PTPRN2: variants seen among roughly 807,000 people sequenced by gnomAD.
The protein encoded by PTPRN2 is protein tyrosine phosphatase receptor type N2.
Under a neutral mutation model 118.8 loss-of-function variants are expected in PTPRN2, and 74 were observed. The ratio of observed to expected loss-of-function variants is 0.62; its 90% CI spans 0.52 to 0.76. The LOEUF is 0.76. Ranked by LOEUF, PTPRN2 falls within the 30% of genes least tolerant of loss-of-function variation. The pLI, the probability that PTPRN2 is intolerant of heterozygous loss-of-function variation, is 0.00. For missense variants in PTPRN2, 1,481 were observed against 1,394.4 expected, an observed-to-expected ratio of 1.06 and a Z score of -0.99; for synonymous variants, 641 against 608.0, an observed-to-expected ratio of 1.05 and a Z score of -0.80.
intron 3 of PTPRN2, among the ~76,000 whole-genome samples, chr7:158,231,038 G>A (rs1427820480): frequency 6.6e-6 from 1 of 152,172 alleles, no homozygotes; most frequent in Admixed American, 6.5e-5. Flanking sequence ...AGGCCAAGTT[G>A]AGAGAATTGC....
At chr7:157,912,126 G>C (rs1228277310) in intron 11 of PTPRN2, among the ~76,000 whole-genome samples, 3 of 152,054 alleles carry the variant, frequency 2.0e-5, no homozygotes, top group Non-Finnish European at 4.4e-5. Flanking sequence ...TGTCCCAAAG[G>C]GATTCTATCA....
intron 2 of PTPRN2, among the ~76,000 whole-genome samples, chr7:158,468,888 CCTGGT>C (rs2129443989): frequency 1.3e-5 from 2 of 152,154 alleles, no homozygotes; most frequent in East Asian, 1.9e-4. Flanking sequence ...CACACACACT[CCTGGT>C]CAATCAACAG....
chr7:157,751,605 T>C (rs1177750878), intron 12 of PTPRN2, among the ~76,000 whole-genome samples: 1 of 151,788 alleles, frequency 6.6e-6, no homozygotes, highest in Non-Finnish European at 1.5e-5. Flanking sequence ...CACGAGATCA[T>C]TGTTTGGAAG....
intron 11 of PTPRN2, among the ~76,000 whole-genome samples, chr7:158,058,843 T>A (rs1249994202): frequency 8.4e-6 from 1 of 119,576 alleles, no homozygotes; most frequent in African/African-American, 4.0e-5. Flanking sequence ...CTGCACACGG[T>A]GAGACATCAC....
chr7:157,853,287 G>A (rs560654079), intron 12 of PTPRN2, among the ~76,000 whole-genome samples: 9 of 152,262 alleles, frequency 5.9e-5, no homozygotes, highest in East Asian at 5.8e-4. Flanking sequence ...GGCCTGCAAC[G>A]GAAAGGCCTG....
At chr7:158,217,999 T>G (rs1394610019) in intron 3 of PTPRN2, among the ~76,000 whole-genome samples, 1 of 151,930 alleles carries the variant, frequency 6.6e-6, no homozygotes, top group Non-Finnish European at 1.5e-5. Context: ...GGAGAGAGAG[T>G]AAGCAACTTG....
intron 11 of PTPRN2, among the ~76,000 whole-genome samples, chr7:157,971,958 C>T (rs1802364040): frequency 6.6e-6 from 1 of 152,210 alleles, no homozygotes. Flanking sequence ...TCTGCATACC[C>T]AAGTGAGAAC....
At chr7:157,630,584 C>T (rs922677149) in intron 14 of PTPRN2, among the ~76,000 whole-genome samples, 3 of 152,140 alleles carry the variant, frequency 2.0e-5, no homozygotes, top group Admixed American at 6.5e-5. Flanking sequence ...GGCATTGTTC[C>T]GGCTCTCCAA....
chr7:158,382,989 C>A (rs538687730), intron 2 of PTPRN2, among the ~76,000 whole-genome samples: 1 of 152,168 alleles, frequency 6.6e-6, no homozygotes, highest in African/African-American at 2.4e-5. Flanking sequence ...GGAAGCTGGT[C>A]CCTGGTGCCA....
intron 10 of PTPRN2, among the ~76,000 whole-genome samples, chr7:158,108,731 C>G (rs1585463481): frequency 1.3e-5 from 2 of 152,342 alleles, no homozygotes; most frequent in East Asian, 3.9e-4. Context: ...CATGCATGTC[C>G]CCTAGTGCCC....
At position 157,619,217 on chromosome 7, in the gene PTPRN2, C is replaced by T. The variant is rs138143537; in HGVS notation, c.2344+2145G>A. Among the ~76,000 whole-genome samples the T allele has an allele frequency of 5.1e-3, 778 of 152,262 alleles. 8 individuals carry two copies. The highest frequency in any genetic ancestry group is 0.017 in the African/African-American group (724 of 41,544). On this transcript the variant is annotated intron_variant, in intron 15 of 22. Coordinates refer to ENST00000389418, the MANE Select transcript of PTPRN2 (RefSeq NM_002847.5). The surrounding 1 kb of genome is among the most constrained non-coding windows in gnomAD (Gnocchi z 5.3). ...TCGGCAGGTCGTTTCTGCCACGCTC[C>T]GGGCTGTCTTTGGGGAGGGCGTGCT... is the stretch of plus-strand genomic sequence containing the variant.
intron 2 of PTPRN2, among the ~76,000 whole-genome samples, chr7:158,429,799 G>A (rs527393635): frequency 6.6e-6 from 1 of 152,348 alleles, no homozygotes; most frequent in Admixed American, 6.5e-5. Flanking sequence ...GCCATGGATG[G>A]TGAGCTAATG....
At chr7:157,840,195 G>A (rs1453797917) in intron 12 of PTPRN2, among the ~76,000 whole-genome samples, 1 of 147,192 alleles carries the variant, frequency 6.8e-6, no homozygotes, top group African/African-American at 2.6e-5. Flanking sequence ...GTGTGACTGT[G>A]ACCGCGTGTG....
intron 2 of PTPRN2, among the ~76,000 whole-genome samples, chr7:158,441,881 A>G (rs28477315): frequency 1.8e-4 from 18 of 102,806 alleles, no homozygotes; most frequent in Middle Eastern, 7.0e-3. Context: ...AGTGGTGGTG[A>G]TAGTGATAGT....
intron 3 of PTPRN2, among the ~76,000 whole-genome samples, chr7:158,217,314 C>T (rs1828022729): frequency 6.6e-6 from 1 of 152,264 alleles, no homozygotes; most frequent in South Asian, 2.1e-4. Context: ...CCCAGGTCAC[C>T]AGGGTTAGAG....
intron 11 of PTPRN2, among the ~76,000 whole-genome samples, chr7:158,078,637 G>C (rs1186295894): frequency 6.6e-6 from 1 of 152,194 alleles, no homozygotes; most frequent in East Asian, 1.9e-4. Context: ...CAATGGGCCA[G>C]TCACCGTGCT....
intron 11 of PTPRN2, among the ~76,000 whole-genome samples, chr7:158,062,037 C>A (rs1222807721): frequency 6.6e-6 from 1 of 152,264 alleles, no homozygotes; most frequent in South Asian, 2.1e-4. Flanking sequence ...CCTCATTCCA[C>A]GGGGTGAGCA....
At position 158,544,294 on chromosome 7, in the gene PTPRN2, G is replaced by A. The variant is rs1021302970; in HGVS notation, c.112+43264C>T. ...GCCCACAGGCCACGGCCCACGAGAT[G>A]GCTCTGAATGTGGCCCAACACAAAT... On this transcript the variant is annotated intron_variant, in intron 1 of 22. Transcript: ENST00000389418. This position sits in a 1 kb window ranked among gnomAD's most constrained non-coding sequence, Gnocchi z 4.2. Among the ~76,000 whole-genome samples, 2 of 151,978 alleles carry A rather than the reference G, an allele frequency of 1.3e-5. No individual in the cohort carries two copies. The highest frequency in any genetic ancestry group is 4.8e-5 in the African/African-American group (2 of 41,376).
chr7:157,907,001 C>T (rs547625613), intron 11 of PTPRN2, among the ~76,000 whole-genome samples: 6 of 152,318 alleles, frequency 3.9e-5, no homozygotes, highest in East Asian at 1.9e-4. Flanking sequence ...CCTGAGATCC[C>T]GAGATCCTGA....
Sources: gnomAD v4.1 joint callset for allele counts (sites outside exome capture counted in the v4.1 genomes callset) on GRCh38, gnomAD v4.1.1 for gene constraint, Gnocchi (gnomAD v3.1) non-coding constraint, MANE v1.5 for transcripts, NCBI Gene and HGNC (gene_info 2026-07-23, HGNC 2026-07-21) for gene names.